The following PLEKHA5 variants were observed in gnomAD, a reference collection of about 807,000 sequenced individuals.
The protein encoded by PLEKHA5 is pleckstrin homology domain-containing family A member 5.
A neutral mutation model predicts 181.9 loss-of-function variants in PLEKHA5; 55 were observed. The ratio of observed to expected loss-of-function variants is 0.30; its 90% CI spans 0.24 to 0.38. PLEKHA5 has a LOEUF of 0.38. PLEKHA5 is among the 10% of genes least tolerant of loss of function. The pLI is 1.00. For synonymous variants in PLEKHA5, 535 were observed against 529.4 expected (o/e 1.01, Z -0.15); for missense variants, 1,432 against 1,549.5 (o/e 0.92, Z 1.27).
At chr12:19,364,468 G>A (rs1035976136) in intron 29 of PLEKHA5, among the ~76,000 whole-genome samples, 4 of 151,792 alleles carry the variant, frequency 2.6e-5, no homozygotes, top group African/African-American at 7.3e-5. Context: ...CCGAGATCCC[G>A]CCACTGTACT....
chr12:19,321,993 AT>A (rs1203988702), intron 18 of PLEKHA5, among the ~76,000 whole-genome samples: 1 of 152,136 alleles, frequency 6.6e-6, no homozygotes, highest in Non-Finnish European at 1.5e-5. Context: ...CATTAATAAT[AT>A]TTTTATTTGT....
chr12:19,170,660 C>T (rs143071529), intron 3 of PLEKHA5, among the ~76,000 whole-genome samples: 2 of 152,210 alleles, frequency 1.3e-5, no homozygotes, highest in Admixed American at 6.5e-5. Flanking sequence ...CCTCGTGATC[C>T]GCCTGCCTTG....
intron 3 of PLEKHA5, among the ~76,000 whole-genome samples, chr12:19,157,729 C>A (rs528108172): frequency 1.3e-5 from 2 of 152,204 alleles, no homozygotes; most frequent in South Asian, 4.2e-4. Context: ...GACCCTAAAC[C>A]TTACAGGGCT....
chr12:19,259,614 A>G (rs11044466), intron 6 of PLEKHA5, among the ~76,000 whole-genome samples: 130,877 of 151,866 alleles, frequency 0.86, 57,866 homozygotes, highest in Middle Eastern at 0.98. Context: ...AGCCAGCTGT[A>G]GTGGTGCACG....
At chr12:19,177,556 C>A (rs909462804) in intron 3 of PLEKHA5, among the ~76,000 whole-genome samples, 23 of 152,174 alleles carry the variant, frequency 1.5e-4, no homozygotes, top group Non-Finnish European at 5.9e-5. Flanking sequence ...ATCTAATACA[C>A]CCACAGTGCC....
At chr12:19,136,477 A>C (rs2035694259) in intron 3 of PLEKHA5, among the ~76,000 whole-genome samples, 1 of 152,226 alleles carries the variant, frequency 6.6e-6, no homozygotes. Flanking sequence ...GCACAGAAGA[A>C]AATCTTATAC....
chr12:19,140,330 T>C (rs1477170951), intron 3 of PLEKHA5, among the ~76,000 whole-genome samples: 1 of 152,214 alleles, frequency 6.6e-6, no homozygotes, highest in Non-Finnish European at 1.5e-5. Flanking sequence ...GTGATTAGTA[T>C]GGAAGAAGTG....
chr12:19,214,167 A>T (rs2057492996), intron 3 of PLEKHA5, among the ~76,000 whole-genome samples: 1 of 152,178 alleles, frequency 6.6e-6, no homozygotes, highest in Non-Finnish European at 1.5e-5. Flanking sequence ...AGGAATGCTA[A>T]TTCAGCAGAG....
At chr12:19,225,325 T>C (rs2059544902) in intron 3 of PLEKHA5, among the ~76,000 whole-genome samples, 1 of 152,176 alleles carries the variant, frequency 6.6e-6, no homozygotes, top group African/African-American at 2.4e-5. Context: ...GCAGAAATTG[T>C]GGACCAGTGC....
chr12:19,167,988 CT>C (rs1482319828), intron 3 of PLEKHA5, among the ~76,000 whole-genome samples: 1 of 152,082 alleles, frequency 6.6e-6, no homozygotes, highest in Non-Finnish European at 1.5e-5. Context: ...CATTACTGTT[CT>C]AGTCTGAAAG....
intron 20 of PLEKHA5, 142 bp from the exon 21 acceptor site, chr12:19,336,373 G>A: frequency 1.9e-6 from 1 of 514,522 alleles, no homozygotes; most frequent in Non-Finnish European, 3.4e-6. Flanking sequence ...GTTTTAAAAA[G>A]GGACAAAAAT....
chr12:19,325,473 A>G (rs2091881320), intron 20 of PLEKHA5, among the ~76,000 whole-genome samples: 2 of 150,480 alleles, frequency 1.3e-5, no homozygotes, highest in South Asian at 4.2e-4. Context: ...GCGGATCACA[A>G]GGTCAGGAGT....
intron 20 of PLEKHA5, among the ~76,000 whole-genome samples, chr12:19,327,247 G>GTTTTTTTTTTTTTT (rs55983306): frequency 3.6e-5 from 5 of 138,530 alleles, no homozygotes; most frequent in Non-Finnish European, 7.7e-5. Flanking sequence ...ATCTGTTTTT[G>GTTTTTTTTTTTTTT]TTTTTTTTTT....
rs550149301 is a variant in PLEKHA5, at chr12:19,293,960, A to T, written c.2037+2263A>T. ...TTCTAAACATCCTAATGTGTTATTG[A>T]TCTTCTCTATTCTCTCAACATCTCA... On this transcript the variant is annotated intron_variant, in intron 15 of 31. Transcript: ENST00000429027. Among the ~76,000 whole-genome samples the T allele has an allele frequency of 3.9e-5, 6 of 152,286 alleles. No individual in the cohort carries two copies. In the East Asian group the frequency reaches 1.2e-3, roughly 29 times the overall value.
At chr12:19,165,690 G>A (rs920948024) in intron 3 of PLEKHA5, among the ~76,000 whole-genome samples, 12 of 152,132 alleles carry the variant, frequency 7.9e-5, no homozygotes, top group Non-Finnish European at 1.6e-4. Context: ...AAGTTTCTCT[G>A]TAGGATTCAC....
At chr12:19,212,134 A>G (rs988483110) in intron 3 of PLEKHA5, among the ~76,000 whole-genome samples, 2 of 152,194 alleles carry the variant, frequency 1.3e-5, no homozygotes, top group South Asian at 2.1e-4. Flanking sequence ...TTACCACAAC[A>G]TTGGTGACTT....
At chr12:19,143,255 G>A (rs534450682) in intron 3 of PLEKHA5, among the ~76,000 whole-genome samples, 1 of 152,284 alleles carries the variant, frequency 6.6e-6, no homozygotes, top group African/African-American at 2.4e-5. Context: ...CAATGTGCAA[G>A]GATTTCCTTT....
intron 3 of PLEKHA5, among the ~76,000 whole-genome samples, chr12:19,238,320 A>G (rs1592161600): frequency 6.6e-6 from 1 of 152,128 alleles, no homozygotes; most frequent in Non-Finnish European, 1.5e-5. Context: ...TCAGCTTTTT[A>G]TATGTGAATG....
At chr12:19,215,305 T>C (rs1050738547) in intron 3 of PLEKHA5, among the ~76,000 whole-genome samples, 10 of 152,178 alleles carry the variant, frequency 6.6e-5, no homozygotes, top group African/African-American at 1.9e-4. Context: ...TTTTTTTAAA[T>C]GTAAAATATA....
Sources: gnomAD v4.1 joint callset for allele counts (sites outside exome capture counted in the v4.1 genomes callset) on GRCh38, gnomAD v4.1.1 for gene constraint, MANE v1.5 for transcripts, NCBI Gene and HGNC (gene_info 2026-07-23, HGNC 2026-07-21) for gene names.